The following SPATA13 variants were observed in gnomAD, a reference collection of about 807,000 sequenced individuals.
The protein encoded by SPATA13 is spermatogenesis associated 13.
Under a neutral mutation model 104.0 loss-of-function variants are expected in SPATA13, and 50 were observed. The observed-to-expected ratio is 0.48, with a 90% CI of 0.38 to 0.61. The LOEUF (loss-of-function observed/expected upper bound fraction) is 0.61. Ranked by LOEUF, SPATA13 falls within the 20% of genes least tolerant of loss-of-function variation. SPATA13 has a pLI of 0.00. For missense variants in SPATA13, 1,524 were observed against 1,690.6 expected, an observed-to-expected ratio of 0.90 and a Z score of 1.73; for synonymous variants, 606 against 667.5, an observed-to-expected ratio of 0.91 and a Z score of 1.42.
chr13:24,123,373 C>A, intron 3 of SPATA13: 5 of 1,283,352 alleles, frequency 3.9e-6, no homozygotes, highest in Non-Finnish European at 5.7e-6. Context: ...ACCCAGCAAG[C>A]CCTTGCTCTC....
chr13:24,258,203 C>T (rs1873879577), intron 4 of SPATA13, among the ~76,000 whole-genome samples: 1 of 150,880 alleles, frequency 6.6e-6, no homozygotes, highest in African/African-American at 2.5e-5. Context: ...CCATGGCACT[C>T]CAGCCTGGGC....
intron 3 of SPATA13, among the ~76,000 whole-genome samples, chr13:24,090,570 A>C (rs190141495): frequency 1.3e-5 from 2 of 152,100 alleles, no homozygotes; most frequent in South Asian, 2.1e-4. Flanking sequence ...ACTACTGAGC[A>C]TGGTTCTTTC....
At chr13:24,196,600 G>C (rs1399663074) in intron 1 of SPATA13, among the ~76,000 whole-genome samples, 1 of 152,164 alleles carries the variant, frequency 6.6e-6, no homozygotes, top group African/African-American at 2.4e-5. Context: ...CCTGGGCATG[G>C]TGGCGTGGGC....
intron 1 of SPATA13, among the ~76,000 whole-genome samples, chr13:23,981,667 G>T (rs1874906372): frequency 6.6e-6 from 1 of 152,106 alleles, no homozygotes; most frequent in Non-Finnish European, 1.5e-5. Context: ...AGGCATTTTT[G>T]GACCCATTTA....
intron 3 of SPATA13, among the ~76,000 whole-genome samples, chr13:24,100,514 G>A (rs1336897059): frequency 6.6e-6 from 1 of 152,098 alleles, no homozygotes; most frequent in Non-Finnish European, 1.5e-5. Context: ...AGCACATGTG[G>A]CCTTTTTCCT....
chr13:24,266,828 G>C (rs1036449706), intron 4 of SPATA13, among the ~76,000 whole-genome samples: 4 of 150,156 alleles, frequency 2.7e-5, no homozygotes, highest in Admixed American at 6.6e-5. Flanking sequence ...GCTTCCCTCT[G>C]TCACCCAGGC....
At chr13:24,259,437 C>T (rs913011383) in intron 4 of SPATA13, among the ~76,000 whole-genome samples, 1 of 152,196 alleles carries the variant, frequency 6.6e-6, no homozygotes, top group East Asian at 1.9e-4. Flanking sequence ...AAAACAAAAA[C>T]GTACCAAGAC....
Position 24,028,421 on chromosome 13 carries a change from G to A in SPATA13, c.-112+10720G>A, listed in dbSNP as rs144813077. On this transcript the variant is annotated intron_variant, in intron 3 of 14. Transcript: ENST00000424834. ...GTACATAATTCTGGGTTGGTTGTTAGTTTCTCCTAGTACTTTACAGATAAT... is the reference window on the plus strand; with the variant it reads ...GTACATAATTCTGGGTTGGTTGTTAATTTCTCCTAGTACTTTACAGATAAT... Among the ~76,000 whole-genome samples, 1,002 of 152,272 alleles carry A rather than the reference G, an allele frequency of 6.6e-3. 3 individuals carry two copies. The highest frequency in any genetic ancestry group is 9.3e-3 in the Non-Finnish European group (632 of 68,018).
At chr13:24,016,183 T>C (rs998618337) in intron 2 of SPATA13, among the ~76,000 whole-genome samples, 4 of 152,178 alleles carry the variant, frequency 2.6e-5, no homozygotes, top group Admixed American at 1.3e-4. Flanking sequence ...GGCTTGTCCT[T>C]CAACCCCACT....
chr13:24,005,610 G>C (rs1455687554), intron 2 of SPATA13, among the ~76,000 whole-genome samples: 1 of 152,140 alleles, frequency 6.6e-6, no homozygotes, highest in Non-Finnish European at 1.5e-5. Context: ...GTGGGGACAG[G>C]GGGTGGGAGA....
chr13:24,171,213 G>A (rs553328606), intron 1 of SPATA13, among the ~76,000 whole-genome samples: 3 of 152,144 alleles, frequency 2.0e-5, no homozygotes, highest in Non-Finnish European at 2.9e-5. Context: ...AATGGCTGTC[G>A]TGCCATCTGA....
intron 11 of SPATA13, 31 bp from the exon 12 acceptor site, chr13:24,300,370 G>A: frequency 1.9e-6 from 3 of 1,589,498 alleles, no homozygotes; most frequent in Non-Finnish European, 2.6e-6. Context: ...CACGTGTTCT[G>A]AATATATATC....
chr13:24,277,945 C>T (rs560104402), intron 4 of SPATA13, among the ~76,000 whole-genome samples: 2 of 152,214 alleles, frequency 1.3e-5, no homozygotes, highest in Non-Finnish European at 2.9e-5. Flanking sequence ...AATTATGGGA[C>T]AGGAACACAG....
At chr13:24,258,242 A>AT (rs71070671) in intron 4 of SPATA13, among the ~76,000 whole-genome samples, 7 of 151,778 alleles carry the variant, frequency 4.6e-5, no homozygotes, top group Admixed American at 6.6e-5. Flanking sequence ...TCTCAAAAAA[A>AT]AAAAAATAAA....
chr13:24,180,024 A>C (rs1320118288), intron 1 of SPATA13, among the ~76,000 whole-genome samples: 1 of 152,120 alleles, frequency 6.6e-6, no homozygotes, highest in Non-Finnish European at 1.5e-5. Context: ...GAAATCATTT[A>C]GCTATTTGTT....
At chr13:24,139,294 T>A (rs1226092363) in intron 3 of SPATA13, among the ~76,000 whole-genome samples, 1 of 152,202 alleles carries the variant, frequency 6.6e-6, no homozygotes, top group African/African-American at 2.4e-5. Context: ...TTAACTGGAC[T>A]ACATCTGCAG....
chr13:24,207,745 C>T (rs1046796893), intron 1 of SPATA13, among the ~76,000 whole-genome samples: 2 of 152,188 alleles, frequency 1.3e-5, no homozygotes, highest in African/African-American at 2.4e-5. Context: ...CGTTCAGTAA[C>T]CTGCTACCTC....
chr13:24,247,478 C>CTTTATTTT (rs1873206644), intron 2 of SPATA13, among the ~76,000 whole-genome samples: 1 of 87,122 alleles, frequency 1.1e-5, no homozygotes, highest in Non-Finnish European at 2.1e-5. Context: ...TCCACATTCA[C>CTTTATTTT]TTTTTTTTTT....
intron 2 of SPATA13, among the ~76,000 whole-genome samples, chr13:24,244,689 C>A (rs894766931): frequency 5.3e-5 from 8 of 152,036 alleles, no homozygotes; most frequent in Admixed American, 4.6e-4. Flanking sequence ...TGTGGTGAAT[C>A]CCTGGCTGTA....
Sources: gnomAD v4.1 joint callset for allele counts (sites outside exome capture counted in the v4.1 genomes callset) on GRCh38, gnomAD v4.1.1 for gene constraint, MANE v1.5 for transcripts, NCBI Gene and HGNC (gene_info 2026-07-23, HGNC 2026-07-21) for gene names.